The following SMG6 variants were observed in gnomAD, a reference collection of about 807,000 sequenced individuals.
SMG6 encodes the protein telomerase-binding protein EST1A.
Under a neutral mutation model 142.2 loss-of-function variants are expected in SMG6, and 66 were observed. The ratio of observed to expected loss-of-function variants is 0.46; its 90% CI spans 0.38 to 0.57. The LOEUF is 0.57. Ranked by LOEUF, SMG6 falls within the 20% of genes least tolerant of loss-of-function variation. The pLI, the probability that SMG6 is intolerant of heterozygous loss-of-function variation, is 0.00. For synonymous variants in SMG6, 779 were observed against 702.4 expected, an observed-to-expected ratio of 1.11 and a Z score of -1.72; for missense variants, 1,793 against 1,832.0, an observed-to-expected ratio of 0.98 and a Z score of 0.39.
chr17:2,210,756 C>CT, intron 10 of SMG6, among the ~76,000 whole-genome samples: 1 of 126,252 alleles, frequency 7.9e-6, no homozygotes, highest in South Asian at 2.5e-4. Context: ...AAGGCAAAAG[C>CT]TTTAAAAAAA....
chr17:2,283,157 C>T lies in SMG6; in HGVS notation c.2449-298G>A, dbSNP rs187634619. On this transcript the variant is annotated intron_variant, in intron 7 of 18. Coordinates refer to ENST00000263073, the MANE Select transcript of SMG6 (RefSeq NM_017575.5). ...TGCACTCCAGTCTGGGCAACAAGAG[C>T]GAAACTCTGTCTCAAAAACAAAAAA... 4.5e-3 allele frequency among the ~76,000 whole-genome samples: 680 copies of T among 152,254 alleles called. 3 individuals are homozygous for T. Among genetic ancestry groups the T allele is most frequent in the Non-Finnish European group, 7.9e-3 (539 of 68,034 alleles).
At position 2,085,651 on chromosome 17, in the gene SMG6, G is replaced by T; in HGVS notation, c.3534+74C>A. ...TCTCTGTGCTCATAAATAAGCAGGA[G>T]GAAAAGCTGAAGCCACGAGCAGAAT... On this transcript the variant is annotated intron_variant, in intron 14 of 18. Transcript: ENST00000263073. This position sits in a 1 kb window ranked among gnomAD's most constrained non-coding sequence, Gnocchi z 4.1. 1 of 1,439,156 alleles carries T rather than the reference G, an allele frequency of 6.9e-7. No individual in the cohort carries two copies. The highest frequency in any genetic ancestry group is 9.5e-7 in the Non-Finnish European group (1 of 1,051,966). 89.1% of individuals were successfully genotyped at this position (1,439,156 alleles called of 1,614,324 possible).
At chr17:2,230,411 T>C (rs1331647848) in intron 10 of SMG6, among the ~76,000 whole-genome samples, 1 of 150,752 alleles carries the variant, frequency 6.6e-6, no homozygotes, top group Non-Finnish European at 1.5e-5. Flanking sequence ...CATGGGATAT[T>C]GCATCTCTCA....
chr17:2,276,777 C>G (rs942357323), intron 8 of SMG6, among the ~76,000 whole-genome samples: 1 of 152,058 alleles, frequency 6.6e-6, no homozygotes, highest in Non-Finnish European at 1.5e-5. Flanking sequence ...CACATGCCAA[C>G]TGTATGTCTT....
chr17:2,073,589 A>T (rs1167317913), intron 15 of SMG6, among the ~76,000 whole-genome samples: 1 of 151,154 alleles, frequency 6.6e-6, no homozygotes, highest in Non-Finnish European at 1.5e-5. Context: ...CATGCCTGTA[A>T]TCCCAGCTAC....
rs533087358 is a variant in SMG6, at chr17:2,102,216, A to G, written c.3358-16315T>C. The stretch of plus-strand genomic sequence containing the variant: ...ATTTTATTATAAATTGACAATTTAT[A>G]TTTGTGTTTATTTACAAGGGTACAA... On this transcript the variant is annotated intron_variant, in intron 13 of 18. Transcript: ENST00000263073. Among the ~76,000 whole-genome samples, 16 of 152,300 alleles carry G rather than the reference A, an allele frequency of 1.1e-4. No homozygotes were observed. In the East Asian group the frequency reaches 2.7e-3, roughly 26 times the overall value.
chr17:2,240,931 G>A (rs753830421), intron 9 of SMG6, among the ~76,000 whole-genome samples: 4 of 152,236 alleles, frequency 2.6e-5, no homozygotes, highest in African/African-American at 4.8e-5. Context: ...AACAGTCTAC[G>A]ATGTTGTGTG....
intron 13 of SMG6, among the ~76,000 whole-genome samples, chr17:2,117,064 A>G (rs1399950964): frequency 2.6e-5 from 4 of 151,916 alleles, no homozygotes; most frequent in African/African-American, 7.3e-5. Context: ...TCACAATGAA[A>G]TACTTCTAGA....
chr17:2,282,390 CAAAAA>C (rs576759563), intron 8 of SMG6, among the ~76,000 whole-genome samples: 14 of 84,524 alleles, frequency 1.7e-4, no homozygotes, highest in Non-Finnish European at 2.5e-4. Context: ...CAAAAAGCAG[CAAAAA>C]AAAAAAAAAA....
At chr17:2,229,092 A>C (rs2073398090) in intron 10 of SMG6, among the ~76,000 whole-genome samples, 1 of 152,166 alleles carries the variant, frequency 6.6e-6, no homozygotes, top group Non-Finnish European at 1.5e-5. Flanking sequence ...CCCCCTTTTT[A>C]AGAGACACTA....
At chr17:2,130,821 A>G (rs953500301) in intron 13 of SMG6, among the ~76,000 whole-genome samples, 2 of 151,820 alleles carry the variant, frequency 1.3e-5, no homozygotes, top group African/African-American at 4.8e-5. Context: ...CCTGGCCAAC[A>G]TGGTGAAACC....
chr17:2,159,825 T>C (rs1169493394), intron 13 of SMG6, among the ~76,000 whole-genome samples: 1 of 152,218 alleles, frequency 6.6e-6, no homozygotes, highest in Non-Finnish European at 1.5e-5. Context: ...AATGGAATAC[T>C]ACTCATCAAT....
intron 4 of SMG6, among the ~76,000 whole-genome samples, chr17:2,293,226 G>A (rs534159556): frequency 2.6e-5 from 4 of 152,036 alleles, no homozygotes; most frequent in African/African-American, 4.8e-5. Context: ...AAGAGAGAGG[G>A]TGATTCTTGA....
At position 2,299,477 on chromosome 17, in the gene SMG6, C is replaced by G. The variant is rs774313136; in HGVS notation, c.1276G>C (p.Glu426Gln). The G allele has an allele frequency of 4.2e-5, 67 of 1,614,070 alleles. No individual in the cohort carries two copies. Among genetic ancestry groups the G allele is most frequent in the Non-Finnish European group, 5.4e-5 (64 of 1,180,040 alleles). ...TLSVNSAGSPESAPLGPRLLF... is the reference protein window; with the variant it reads ...TLSVNSAGSPQSAPLGPRLLF... ...AGCCGAGGTCCCAAAGGCGCGGACTCTGGAGAACCTGCTGAATTGACAGAT... is the reference window on the plus strand; with the variant it reads ...AGCCGAGGTCCCAAAGGCGCGGACTGTGGAGAACCTGCTGAATTGACAGAT... Residue 426 changes from glutamate to glutamine, a missense_variant, in exon 2 of 19, where the codon GAG (glutamate) becomes CAG (glutamine). Glu to Gln is a conservative substitution (Grantham distance 29, BLOSUM62 2). Around this residue, in one of 3 missense-constraint regions of SMG6, gnomAD observed 1,597 missense variants for 1,584.6 expected, o/e 1.01. Transcript: ENST00000263073. The surrounding 1 kb of genome is among the most constrained non-coding windows in gnomAD (Gnocchi z 4.3).
chr17:2,211,785 A>G (rs1006102344), intron 10 of SMG6, among the ~76,000 whole-genome samples: 4 of 152,278 alleles, frequency 2.6e-5, no homozygotes, highest in African/African-American at 4.8e-5. Flanking sequence ...ACTGTGCCCA[A>G]CACGGCTATG....
At chr17:2,215,231 GCA>G (rs1042444088) in intron 10 of SMG6, among the ~76,000 whole-genome samples, 1 of 151,566 alleles carries the variant, frequency 6.6e-6, no homozygotes, top group Admixed American at 6.6e-5. Flanking sequence ...ACACGCGCGC[GCA>G]CACACACACA....
rs569275000 is a variant in SMG6 at position 2,299,392 on chromosome 17, C to T, written c.1361G>A (p.Arg454Gln). 6.2e-6 allele frequency: 10 copies of T among 1,613,870 alleles called. No homozygotes were observed. The East Asian group carries it at 1.1e-4, about 18-fold the overall frequency. The change falls in exon 2 of 19, where the codon CGA becomes CAA. Residue 454 changes from arginine (R) to glutamine (Q), a missense_variant. Transcript: ENST00000263073. This position sits in a 1 kb window ranked among gnomAD's most constrained non-coding sequence, Gnocchi z 4.3. ...ATCAGGATTGTTTGGGTCCCACAATCGGCGTGTGGTGCCTCCACGGCCCCA... is the reference window on the plus strand; with the variant it reads ...ATCAGGATTGTTTGGGTCCCACAATTGGCGTGTGGTGCCTCCACGGCCCCA... The part of the protein sequence containing the change: ...RSWGRGGTTR[R>Q]LWDPNNPDQK...
intron 8 of SMG6, among the ~76,000 whole-genome samples, chr17:2,263,338 A>C (rs1335060725): frequency 6.6e-6 from 1 of 152,212 alleles, no homozygotes; most frequent in African/African-American, 2.4e-5. Context: ...ATGTATCTTC[A>C]TAGAGGCTGA....
At chr17:2,253,842 C>A (rs2067154014) in intron 8 of SMG6, among the ~76,000 whole-genome samples, 1 of 152,184 alleles carries the variant, frequency 6.6e-6, no homozygotes, top group South Asian at 2.1e-4. Context: ...ACTCCAAAGG[C>A]TACAGAGAAA....
Sources: gnomAD v4.1 joint callset for allele counts (sites outside exome capture counted in the v4.1 genomes callset) on GRCh38, gnomAD v4.1.1 for gene constraint, gnomAD v4.1.1 regional missense constraint, Gnocchi (gnomAD v3.1) non-coding constraint, MANE v1.5 for transcripts, NCBI Gene and HGNC (gene_info 2026-07-23, HGNC 2026-07-21) for gene names.